HGSNAT: variants seen among roughly 807,000 people sequenced by gnomAD.
The protein encoded by HGSNAT is heparan-alpha-glucosaminide N-acetyltransferase.
HGSNAT carries 59 observed loss-of-function variants against 85.2 expected under a neutral mutation model. The ratio of observed to expected loss-of-function variants is 0.69; its 90% confidence interval spans 0.56 to 0.86. HGSNAT has a LOEUF of 0.86. Ranked by LOEUF, HGSNAT falls within the 40% of genes least tolerant of loss-of-function variation. The pLI, the probability that HGSNAT is intolerant of heterozygous loss-of-function variation, is 0.00. For synonymous variants in HGSNAT, 321 were observed against 304.5 expected (o/e 1.05, Z -0.56); for missense variants, 756 against 777.1 (o/e 0.97, Z 0.32).
At chr8:43,141,128 C>G (rs1020165010) in intron 1 of HGSNAT, among the ~76,000 whole-genome samples, 10 of 152,206 alleles carry the variant, frequency 6.6e-5, no homozygotes, top group Non-Finnish European at 1.5e-4. Flanking sequence ...AAGCCTGGGG[C>G]CGGGACGCGC....
intron 9 of HGSNAT, among the ~76,000 whole-genome samples, chr8:43,176,016 T>G (rs1803799288): frequency 6.6e-6 from 1 of 152,206 alleles, no homozygotes. Flanking sequence ...CTTTGTTAAT[T>G]ATCTTCTTTT....
At chr8:43,151,630 C>T (rs1209536709) in intron 2 of HGSNAT, among the ~76,000 whole-genome samples, 4 of 151,972 alleles carry the variant, frequency 2.6e-5, no homozygotes, top group African/African-American at 9.7e-5. Context: ...TACTTCTGCA[C>T]AACAAAGAAA....
intron 7 of HGSNAT, 53 bp from the exon 8 acceptor site, chr8:43,172,257 T>C (rs1803648628): frequency 7.8e-7 from 1 of 1,290,170 alleles, no homozygotes; most frequent in African/African-American, 1.5e-5. Flanking sequence ...AGTTCAGCCC[T>C]TCCTTTTCAC....
chr8:43,199,341 G>A, intron 17 of HGSNAT, 47 bp from the exon 18 acceptor site: 1 of 1,321,814 alleles, frequency 7.6e-7, no homozygotes, highest in Non-Finnish European at 1.1e-6. Flanking sequence ...GGTTAGATGT[G>A]ACTCATCTGT....
At chr8:43,191,427 T>C (rs1308423756) in intron 11 of HGSNAT, 47 bp from the exon 12 acceptor site, 1 of 1,598,330 alleles carries the variant, frequency 6.3e-7, no homozygotes, top group Admixed American at 1.7e-5. Context: ...AGTTCCCTTC[T>C]ATTTGCATTT....
rs1804782152 is a variant in HGSNAT at position 43,197,932 on chromosome 8, GA to G, written c.1708del (p.Thr570ProfsTer8). 3 of 1,613,432 alleles carry G rather than the reference GA, an allele frequency of 1.9e-6. No individual in the cohort carries two copies. The highest frequency in any genetic ancestry group is 1.7e-6 in the Non-Finnish European group (2 of 1,179,504). ...PVVDVKGLWT[G>X]TPFFYPGMNS... ...GTGGATGTGAAGGGGCTGTGGACAG[GA>G]ACCCCATTCTTTTATCCAGGTAAGT... On this transcript the variant is annotated frameshift_variant, in exon 17 of 18. Coordinates refer to ENST00000379644, the MANE Select transcript of HGSNAT (RefSeq NM_152419.3). LOFTEE classifies it high-confidence loss of function.
At chr8:43,188,986 C>A (rs1313509751) in intron 11 of HGSNAT, among the ~76,000 whole-genome samples, 1 of 152,178 alleles carries the variant, frequency 6.6e-6, no homozygotes, top group African/African-American at 2.4e-5. Flanking sequence ...CCTGATCCTT[C>A]CCCTGGAAGC....
chr8:43,171,574 G>T (rs1300867244), intron 7 of HGSNAT, among the ~76,000 whole-genome samples: 1 of 152,156 alleles, frequency 6.6e-6, no homozygotes, highest in African/African-American at 2.4e-5. Flanking sequence ...TTGATGGCAG[G>T]CACTTGGGTT....
chr8:43,197,794 G>A (rs773842802), intron 16 of HGSNAT, 46 bp from the exon 17 acceptor site: 1 of 1,600,164 alleles, frequency 6.2e-7, no homozygotes, highest in Admixed American at 1.7e-5. Flanking sequence ...GCTGAAATTG[G>A]ATTTGTTCCG....
intron 2 of HGSNAT, 72 bp from the exon 3 acceptor site, chr8:43,158,503 A>T: frequency 6.6e-7 from 1 of 1,522,984 alleles, no homozygotes; most frequent in Admixed American, 1.7e-5. Context: ...CCAGTTGGAT[A>T]TTTATGTCCT....
intron 5 of HGSNAT, among the ~76,000 whole-genome samples, chr8:43,167,046 G>A (rs372238990): frequency 6.6e-5 from 10 of 152,204 alleles, no homozygotes; most frequent in African/African-American, 2.4e-4. Flanking sequence ...GCCTGAAGAT[G>A]TGACTGAATT....
At chr8:43,187,589 T>C (rs922079490) in intron 11 of HGSNAT, among the ~76,000 whole-genome samples, 1 of 152,220 alleles carries the variant, frequency 6.6e-6, no homozygotes, top group Non-Finnish European at 1.5e-5. Context: ...GTCTTGACTC[T>C]TTATCCAATT....
chr8:43,193,569 A>C (rs1383818347), intron 13 of HGSNAT, among the ~76,000 whole-genome samples, 188 bp from the exon 14 acceptor site: 1 of 152,180 alleles, frequency 6.6e-6, no homozygotes, highest in East Asian at 1.9e-4. Context: ...CTGAGTGTCC[A>C]CACTGCACAC....
intron 14 of HGSNAT, chr8:43,196,135 G>A: frequency 6.9e-6 from 2 of 288,658 alleles, no homozygotes; most frequent in South Asian, 6.3e-5. Context: ...GGGTGACCTC[G>A]GGCGTGTGGC....
Position 43,156,013 on chromosome 8 carries a change from T to C in HGSNAT, c.235-2562T>C, listed in dbSNP as rs180762679. Among the ~76,000 whole-genome samples the C allele has an allele frequency of 2.8e-3, 425 of 151,714 alleles. 2 individuals carry two copies. The highest frequency in any genetic ancestry group is 9.6e-3 in the African/African-American group (396 of 41,340). ...CCACTACCATGCCCGGCTAATTTTG[T>C]ATTTTTAGTAGATATGGGGTTTCAC... On this transcript the variant is annotated intron_variant, in intron 2 of 17. Transcript: ENST00000379644.
chr8:43,180,700 TG>T (rs1167654648), intron 10 of HGSNAT: 1 of 288,366 alleles, frequency 3.5e-6, no homozygotes, highest in Non-Finnish European at 6.7e-6. Flanking sequence ...GGGTGGCTGC[TG>T]GGCAGAGGCT....
intron 5 of HGSNAT, among the ~76,000 whole-genome samples, chr8:43,162,504 T>C (rs1248937517): frequency 6.6e-6 from 1 of 152,116 alleles, no homozygotes; most frequent in Non-Finnish European, 1.5e-5. Context: ...AAAATGCAAA[T>C]GCTATTTCAG....
At chr8:43,167,388 C>T (rs746662493) in intron 5 of HGSNAT, among the ~76,000 whole-genome samples, 14 of 152,208 alleles carry the variant, frequency 9.2e-5, no homozygotes, top group Non-Finnish European at 1.5e-4. Flanking sequence ...CCTCAACCTA[C>T]GGCAGCCACC....
chr8:43,194,058 A>AAC, intron 14 of HGSNAT: 1 of 1,317,426 alleles, frequency 7.6e-7, no homozygotes, highest in Non-Finnish European at 9.7e-7. Flanking sequence ...TTCTCAAAAA[A>AAC]ATTCTTACTT....
Sources: gnomAD v4.1 joint callset for allele counts (sites outside exome capture counted in the v4.1 genomes callset) on GRCh38, gnomAD v4.1.1 for gene constraint, MANE v1.5 for transcripts, NCBI Gene and HGNC (gene_info 2026-07-23, HGNC 2026-07-21) for gene names.